The following DNAJB11 variants were observed in gnomAD, a reference collection of about 807,000 sequenced individuals.
DNAJB11 encodes DnaJ heat shock protein family (Hsp40) member B11.
DNAJB11 carries 30 observed loss-of-function variants against 47.2 expected under a neutral mutation model. That is an observed-to-expected ratio of 0.64 (90% CI 0.48 to 0.86). The LOEUF (loss-of-function observed/expected upper bound fraction) is 0.86, where lower values mean the gene tolerates loss of function less well. DNAJB11 is among the 40% of genes least tolerant of loss of function. The pLI is 0.00. For synonymous variants in DNAJB11, 151 were observed against 159.9 expected, an observed-to-expected ratio of 0.94 and a Z score of 0.42; for missense variants, 357 against 440.2, an observed-to-expected ratio of 0.81 and a Z score of 1.69.
chr3:186,585,157 A>G (rs1229039143), intron 9 of DNAJB11, among the ~76,000 whole-genome samples, 187 bp from the exon 10 acceptor site: 1 of 152,210 alleles, frequency 6.6e-6, no homozygotes, highest in African/African-American at 2.4e-5. Flanking sequence ...ACAAGGGATC[A>G]TCCTGGACAC....
In DNAJB11 at chr3:186,585,452, ATATT is replaced by A. The variant is rs1224017926; in HGVS notation, c.*49_*52del. 1.4e-6 allele frequency: 2 copies of A among 1,447,506 alleles called. No individual in the cohort carries two copies. Among genetic ancestry groups the A allele is most frequent in the African/African-American group, 1.4e-5 (1 of 70,338 alleles). 89.7% of individuals were successfully genotyped at this position (1,447,506 alleles called of 1,614,324 possible). On this transcript the variant is annotated 3_prime_UTR_variant, in exon 10 of 10. Coordinates refer to ENST00000265028, the MANE Select transcript of DNAJB11 (RefSeq NM_016306.6). Reference sequence around the variant, plus strand: ...TTTGTTTAAAATAAGTGAATAAGCGATATTTATTATCTGCAAGGTTTTTTTGTGT... The same window carrying A: ...TTTGTTTAAAATAAGTGAATAAGCGATATTATCTGCAAGGTTTTTTTGTGT...
intron 6 of DNAJB11, 30 bp downstream of exon 6, chr3:186,582,107 G>T (rs1715508185): frequency 6.4e-7 from 1 of 1,566,306 alleles, no homozygotes; most frequent in Non-Finnish European, 8.8e-7. Flanking sequence ...TTTTTTGATT[G>T]TGATAACTTT....
intron 8 of DNAJB11, 152 bp from the exon 9 acceptor site, chr3:186,584,278 T>A: frequency 1.3e-6 from 1 of 780,224 alleles, no homozygotes. Flanking sequence ...TGTTCTTGAC[T>A]CACATTGTCT....
At chr3:186,582,189 A>G (rs1472082792) in intron 6 of DNAJB11, 112 bp downstream of exon 6, 3 of 809,594 alleles carry the variant, frequency 3.7e-6, no homozygotes, top group African/African-American at 1.7e-5. Flanking sequence ...TAGTAAACGC[A>G]TATATAATTT....
At chr3:186,585,323 A>G in intron 9 of DNAJB11, 21 bp from the exon 10 acceptor site, 2 of 1,604,250 alleles carry the variant, frequency 1.2e-6, no homozygotes, top group Admixed American at 1.7e-5. Flanking sequence ...TAATGGAGTC[A>G]TTTGTTCATT....
chr3:186,583,795 C>G, intron 7 of DNAJB11, 70 bp from the exon 8 acceptor site: 5 of 1,189,430 alleles, frequency 4.2e-6, no homozygotes, highest in Non-Finnish European at 6.2e-6. Flanking sequence ...CACCTTTTTC[C>G]AAGAATTTTC....
Position 186,581,500 on chromosome 3 carries a change from T to A in DNAJB11, c.586T>A (p.Cys196Ser). Residue 196 changes from cysteine (C) to serine (S), a missense_variant, in exon 5 of 10, where the codon TGC (cysteine) becomes AGC (serine). Physicochemically the swap from Cys to Ser is moderately radical, Grantham distance 112 (BLOSUM62 -1). Transcript: ENST00000265028. ...QMTQEVVCDE[C>S]PNVKLVNEER... ...GACCCAGGAGGTGGTCTGCGACGAA[T>A]GCCCTAATGTCAAGTAAGTGAAAGC... The A allele has an allele frequency of 6.2e-7, 1 of 1,612,128 alleles. No individual in the cohort carries two copies. The highest frequency in any genetic ancestry group is 8.5e-7 in the Non-Finnish European group (1 of 1,179,436).
chr3:186,573,133 A>C (rs1401081770), intron 2 of DNAJB11, among the ~76,000 whole-genome samples: 1 of 152,218 alleles, frequency 6.6e-6, no homozygotes, highest in African/African-American at 2.4e-5. Flanking sequence ...TGGACACAGA[A>C]AAAAATTAAT....
intron 7 of DNAJB11, 37 bp downstream of exon 7, chr3:186,582,810 T>A (rs1224723010): frequency 1.4e-6 from 2 of 1,480,056 alleles, no homozygotes; most frequent in Admixed American, 1.9e-5. Flanking sequence ...CTCAGATGAG[T>A]CAAATTATAG....
Position 186,583,928 on chromosome 3 carries a change from G to A in DNAJB11, c.804G>A (p.Glu268=), listed in dbSNP as rs939670757. The A allele has an allele frequency of 1.9e-6, 3 of 1,613,874 alleles. No homozygotes were observed. The highest frequency in any genetic ancestry group is 2.5e-6 in the Non-Finnish European group (3 of 1,179,788). ...CAAATGTGACAATCTCATTAGTTGA[G>A]TCACTGGTTGGCTTTGAGATGGATA... ...LYTNVTISLV[E]SLVGFEMDIT... Residue 268 remains glutamate (E), a synonymous_variant, in exon 8 of 10, where the codon GAG becomes GAA. Coordinates refer to ENST00000265028, the MANE Select transcript of DNAJB11 (RefSeq NM_016306.6).
chr3:186,575,436 G>A (rs1473096513), intron 2 of DNAJB11, among the ~76,000 whole-genome samples: 1 of 151,760 alleles, frequency 6.6e-6, no homozygotes, highest in East Asian at 1.9e-4. Flanking sequence ...AGACCTGTGG[G>A]GCCAAGTTGT....
Position 186,575,927 on chromosome 3 carries a change from AT to A in DNAJB11, c.319del (p.Ser107HisfsTer30). 6.2e-7 allele frequency: 1 copy of A among 1,611,884 alleles called. No individual in the cohort carries two copies. The highest frequency in any genetic ancestry group is 8.5e-7 in the Non-Finnish European group (1 of 1,178,088). On this transcript the variant is annotated frameshift_variant, in exon 3 of 10. Transcript: ENST00000265028. LOFTEE classifies it high-confidence loss of function. ...KDGHQSSHGD[I>X]FSHFFGDFGF... ...TGGTCATCAGAGCTCCCATGGAGAC[AT>A]TTTTTCACAGTGAGTAATTTACCCA...
chr3:186,584,292 T>C (rs1715594685), intron 8 of DNAJB11, 138 bp from the exon 9 acceptor site: 1 of 836,476 alleles, frequency 1.2e-6, no homozygotes. Context: ...ATTGTCTTAA[T>C]GGTATTTCCT....
In DNAJB11 at chr3:186,570,845, C is replaced by T; in HGVS notation, c.-53C>T. ...CGGGTGGGCTGGCGAGCCGACGCGGCGGCGGAGGAGGCTGTGAGGAGTGTG... is the reference window on the plus strand; with the variant it reads ...CGGGTGGGCTGGCGAGCCGACGCGGTGGCGGAGGAGGCTGTGAGGAGTGTG... On this transcript the variant is annotated 5_prime_UTR_variant, in exon 1 of 10. Transcript: ENST00000265028. 2.6e-6 allele frequency: 4 copies of T among 1,543,644 alleles called. No homozygotes were observed. Among genetic ancestry groups the T allele is most frequent in the Admixed American group, 3.8e-5 (2 of 52,088 alleles).
At position 186,570,868 on chromosome 3, in the gene DNAJB11, G is replaced by A. The variant is rs1302603939; in HGVS notation, c.-30G>A. On this transcript the variant is annotated 5_prime_UTR_variant, in exon 1 of 10. In the 5' UTR this introduces an upstream ATG that the reference lacks. Coordinates refer to ENST00000265028, the MANE Select transcript of DNAJB11 (RefSeq NM_016306.6). ...GGCGGCGGAGGAGGCTGTGAGGAGT[G>A]TGTGGAACAGGACCCGGGACAGAGG... 6.3e-7 allele frequency: 1 copy of A among 1,593,530 alleles called. No individual in the cohort carries two copies. Among genetic ancestry groups the A allele is most frequent in the African/African-American group, 1.3e-5 (1 of 74,360 alleles).
intron 1 of DNAJB11, 72 bp downstream of exon 1, chr3:186,571,037 G>GGGGGGGGGGGGGC: frequency 3.2e-6 from 3 of 940,404 alleles, no homozygotes; most frequent in Admixed American, 2.7e-5. Context: ...GGGGGTGGGG[G>GGGGGGGGGGGGGC]AAGTGGCATT....
At chr3:186,584,639 G>A in intron 9 of DNAJB11, 50 bp downstream of exon 9, 3 of 1,409,208 alleles carry the variant, frequency 2.1e-6, no homozygotes, top group South Asian at 3.1e-5. Context: ...GTGTGTATGT[G>A]TGTGTGTGTG....
rs149788689 is a variant in DNAJB11, at chr3:186,585,550, G to C, written c.*142G>C. On this transcript the variant is annotated 3_prime_UTR_variant, in exon 10 of 10. Coordinates refer to ENST00000265028, the MANE Select transcript of DNAJB11 (RefSeq NM_016306.6). ...TTTTATCTAATGATCATCATGAAAT[G>C]AATAAGAGGGCTTAAGAATTTGTCC... 2.1e-3 allele frequency: 1,094 copies of C among 511,932 alleles called. 3 individuals carry two copies. Among genetic ancestry groups the C allele is most frequent in the Non-Finnish European group, 3.3e-3 (952 of 292,676 alleles). 31.7% of individuals were successfully genotyped at this position (511,932 alleles called of 1,614,324 possible).
intron 2 of DNAJB11, 52 bp from the exon 3 acceptor site, chr3:186,575,788 A>T: frequency 7.1e-7 from 1 of 1,407,722 alleles, no homozygotes; most frequent in African/African-American, 1.4e-5. Context: ...ACTGTGCCTT[A>T]ACTGGATATT....
Sources: allele counts gnomAD v4.1 joint callset (sites outside exome capture counted in the v4.1 genomes callset), GRCh38; gene constraint gnomAD v4.1.1; transcripts MANE v1.5; gene names NCBI Gene and HGNC (gene_info 2026-07-23, HGNC 2026-07-21).